ADAM9: variants seen among roughly 807,000 people sequenced by gnomAD.
ADAM9 encodes the protein ADAM metallopeptidase domain 9.
Under a neutral mutation model 108.1 loss-of-function variants are expected in ADAM9, and 54 were observed. The ratio of observed to expected loss-of-function variants is 0.50; its 90% CI spans 0.40 to 0.63. The LOEUF is 0.63. Among genes scored for constraint, ADAM9 ranks in the 20% least tolerant of loss-of-function variants. The probability of loss-of-function intolerance (pLI) is 0.00; values close to 1 mark genes in which losing one functional copy is unlikely to be tolerated. For synonymous variants in ADAM9, 316 were observed against 336.0 expected (o/e 0.94, Z 0.65); for missense variants, 830 against 997.7 (o/e 0.83, Z 2.26).
intron 14 of ADAM9, among the ~76,000 whole-genome samples, chr8:39,068,614 G>C (rs1440966007): frequency 2.2e-5 from 3 of 136,922 alleles, no homozygotes; most frequent in Non-Finnish European, 4.6e-5. Flanking sequence ...GGTGGAGGTT[G>C]CATTGAGCCG....
chr8:39,071,846 A>G (rs937624829), intron 15 of ADAM9, among the ~76,000 whole-genome samples: 5 of 152,190 alleles, frequency 3.3e-5, no homozygotes, highest in Non-Finnish European at 7.3e-5. Context: ...ACATTTTACA[A>G]TGCAAAGCTT....
At chr8:39,047,539 A>G (rs966708985) in intron 12 of ADAM9, among the ~76,000 whole-genome samples, 5 of 152,112 alleles carry the variant, frequency 3.3e-5, no homozygotes, top group African/African-American at 1.2e-4. Context: ...GTGTGTTTCT[A>G]GGAATTTATC....
At chr8:39,021,568 G>A in intron 7 of ADAM9, 75 bp from the exon 8 acceptor site, 1 of 1,311,612 alleles carries the variant, frequency 7.6e-7, no homozygotes, top group African/African-American at 1.5e-5. Flanking sequence ...ACAGGCATGA[G>A]GTACTGCACC....
chr8:39,090,030 A>C lies in ADAM9; in HGVS notation c.2069-17A>C. 6.2e-7 allele frequency: 1 copy of C among 1,613,414 alleles called. No homozygotes were observed. Among genetic ancestry groups the C allele is most frequent in the South Asian group, 1.1e-5 (1 of 91,060 alleles). ...GTATGAGTTTGGTGACTGTTGATGT[A>C]AAATTCTTCTCTCTAGAAATGAATA... On this transcript the variant is annotated splice_polypyrimidine_tract_variant and intron_variant, in intron 18 of 21. Transcript: ENST00000487273.
At chr8:39,049,516 G>A (rs1837885409) in intron 12 of ADAM9, among the ~76,000 whole-genome samples, 2 of 146,554 alleles carry the variant, frequency 1.4e-5, no homozygotes, top group Admixed American at 7.0e-5. Flanking sequence ...ATGGCTCACT[G>A]TATCCTCCGC....
At chr8:39,028,785 A>G (rs1327788445) in intron 11 of ADAM9, among the ~76,000 whole-genome samples, 1 of 152,142 alleles carries the variant, frequency 6.6e-6, no homozygotes, top group Non-Finnish European at 1.5e-5. Flanking sequence ...GAAAATCAAT[A>G]ATATAGAGTG....
chr8:39,024,954 T>C (rs1836871174), intron 9 of ADAM9, among the ~76,000 whole-genome samples: 1 of 152,058 alleles, frequency 6.6e-6, no homozygotes, highest in African/African-American at 2.4e-5. Context: ...GCCTTCTGAG[T>C]AAAGACCTGA....
chr8:39,054,602 GA>G (rs755442483), intron 13 of ADAM9, 29 bp downstream of exon 13: 138,728 of 931,124 alleles, frequency 0.15, 854 homozygotes, highest in African/African-American at 0.22. Context: ...TTGGAAACAG[GA>G]AAAAAAAAAA....
chr8:38,997,012 G>C lies in ADAM9; in HGVS notation c.-52G>C. On this transcript the variant is annotated 5_prime_UTR_variant, in exon 1 of 22. Coordinates refer to ENST00000487273, the MANE Select transcript of ADAM9 (RefSeq NM_003816.3). Reference sequence around the variant, plus strand: ...GGCAGGGTTGGAAAATGATGGAAGAGGCGGAGGTGGAGGCGACCGAGTGCT... The same window carrying C: ...GGCAGGGTTGGAAAATGATGGAAGACGCGGAGGTGGAGGCGACCGAGTGCT... The C allele has an allele frequency of 1.3e-6, 2 of 1,587,344 alleles. No homozygotes were observed. Among genetic ancestry groups the C allele is most frequent in the African/African-American group, 2.7e-5 (2 of 74,662 alleles).
intron 4 of ADAM9, chr8:39,015,159 C>T (rs538276133): frequency 3.9e-5 from 6 of 152,342 alleles, no homozygotes; most frequent in Admixed American, 3.9e-4. Context: ...TGAGTTTTGA[C>T]TCATTATTTG....
At chr8:39,056,709 A>G (rs1459786083) in intron 14 of ADAM9, among the ~76,000 whole-genome samples, 1 of 151,964 alleles carries the variant, frequency 6.6e-6, no homozygotes, top group Non-Finnish European at 1.5e-5. Context: ...TTTCCTATGT[A>G]CTTTCCATTA....
At chr8:39,014,242 G>C in intron 4 of ADAM9, 199 bp downstream of exon 4, 1 of 579,874 alleles carries the variant, frequency 1.7e-6, no homozygotes, top group Non-Finnish European at 3.0e-6. Flanking sequence ...CAGGTACTCA[G>C]TAGTTAAGGT....
chr8:39,000,687 G>A (rs1315906239), intron 1 of ADAM9, among the ~76,000 whole-genome samples: 2 of 151,976 alleles, frequency 1.3e-5, no homozygotes, highest in South Asian at 2.1e-4. Flanking sequence ...GGCTGGTCTC[G>A]AACTCCTGGG....
chr8:39,093,970 C>T (rs1383088987), intron 20 of ADAM9, among the ~76,000 whole-genome samples: 1 of 152,076 alleles, frequency 6.6e-6, no homozygotes, highest in African/African-American at 2.4e-5. Context: ...CAGGGTTTTG[C>T]CATATTGGCC....
At chr8:39,043,860 T>C (rs1272693060) in intron 12 of ADAM9, among the ~76,000 whole-genome samples, 1 of 152,218 alleles carries the variant, frequency 6.6e-6, no homozygotes, top group Admixed American at 6.5e-5. Context: ...CTCCCACTTA[T>C]AAGTGAGAAC....
At chr8:39,082,495 T>C (rs1404986784) in intron 16 of ADAM9, 146 bp from the exon 17 acceptor site, 1 of 612,074 alleles carries the variant, frequency 1.6e-6, no homozygotes. Context: ...TCTGCATTTT[T>C]AAAAATATAA....
intron 18 of ADAM9, chr8:39,089,672 A>G (rs940071074): frequency 2.0e-5 from 5 of 253,682 alleles, no homozygotes; most frequent in African/African-American, 1.1e-4. Context: ...ATGGAGTTTC[A>G]TATAGCTGTA....
At chr8:39,043,441 C>G (rs1012998553) in intron 12 of ADAM9, among the ~76,000 whole-genome samples, 2 of 152,028 alleles carry the variant, frequency 1.3e-5, no homozygotes, top group African/African-American at 4.8e-5. Context: ...CACTTGTTGT[C>G]TTTTGTTTTT....
chr8:39,091,837 A>G (rs924412816), intron 20 of ADAM9, among the ~76,000 whole-genome samples: 1 of 152,204 alleles, frequency 6.6e-6, no homozygotes, highest in Admixed American at 6.5e-5. Flanking sequence ...CAGAGGACAC[A>G]GAAAAAGACA....
Sources: gnomAD v4.1 joint callset for allele counts (sites outside exome capture counted in the v4.1 genomes callset) on GRCh38, gnomAD v4.1.1 for gene constraint, MANE v1.5 for transcripts, NCBI Gene and HGNC (gene_info 2026-07-23, HGNC 2026-07-21) for gene names.